The following DDX59 variants were observed in gnomAD, a reference collection of about 807,000 sequenced individuals.
DDX59 encodes DEAD-box helicase 59.
A neutral mutation model predicts 51.9 loss-of-function variants in DDX59; 30 were observed. The observed-to-expected ratio is 0.58, with a 90% CI of 0.43 to 0.78. DDX59 has a LOEUF of 0.78. Ranked by LOEUF, DDX59 falls within the 30% of genes least tolerant of loss-of-function variation. DDX59 has a pLI of 0.00. For missense variants in DDX59, 672 were observed against 730.8 expected (o/e 0.92, Z 0.93); for synonymous variants, 255 against 253.3 (o/e 1.01, Z -0.06).
rs183805371 is a variant in DDX59 at position 200,652,231 on chromosome 1, G to C, written c.1063-1555C>G. On this transcript the variant is annotated intron_variant, in intron 4 of 7. Transcript: ENST00000331314. ...GTAGTGGCATGATTCTAGCTTGCTGGAACCTTAAACTCCTGGGCTCAAGAG... is the reference window on the plus strand; with the variant it reads ...GTAGTGGCATGATTCTAGCTTGCTGCAACCTTAAACTCCTGGGCTCAAGAG... Among the ~76,000 whole-genome samples, 99 of 152,094 alleles carry C rather than the reference G, an allele frequency of 6.5e-4. No homozygotes were observed. The East Asian group carries it at 0.019, about 29-fold the overall frequency.
intron 3 of DDX59, among the ~76,000 whole-genome samples, chr1:200,663,535 AG>A (rs966768173): frequency 2.0e-4 from 30 of 152,226 alleles, no homozygotes; most frequent in African/African-American, 5.5e-4. Flanking sequence ...AGGTAAATTA[AG>A]GGTCAATTTT....
chr1:200,664,847 G>A (rs1662613739), intron 2 of DDX59, among the ~76,000 whole-genome samples: 3 of 152,000 alleles, frequency 2.0e-5, no homozygotes, highest in African/African-American at 4.8e-5. Context: ...GGCTAATTTT[G>A]TATTTTTAGT....
chr1:200,644,682 G>A (rs1661183219), intron 7 of DDX59, among the ~76,000 whole-genome samples, 165 bp from the exon 8 acceptor site: 1 of 152,144 alleles, frequency 6.6e-6, no homozygotes, highest in Non-Finnish European at 1.5e-5. Context: ...ATCACCTGAG[G>A]TCAGGAGTTT....
At chr1:200,667,287 G>A (rs762904635) in intron 1 of DDX59, among the ~76,000 whole-genome samples, 1 of 152,004 alleles carries the variant, frequency 6.6e-6, no homozygotes, top group Non-Finnish European at 1.5e-5. Context: ...TGTATTCCCA[G>A]CTACTCGGGA....
chr1:200,650,475 A>G lies in DDX59; in HGVS notation c.1264T>C (p.Leu422=), dbSNP rs759864493. The part of the protein sequence containing the change: ...LPCANVRQII[L]WVEDPAKKKK... ...TTTTTGGCTGGGTCTTCTACCCACAAAATAATCTGACGTACATTGGCACAA... is the reference window on the plus strand; with the variant it reads ...TTTTTGGCTGGGTCTTCTACCCACAGAATAATCTGACGTACATTGGCACAA... The change falls in exon 5 of 8, where the codon TTG becomes CTG. Residue 422 remains leucine (L), a synonymous_variant. Transcript: ENST00000331314. The G allele has an allele frequency of 6.2e-7, 1 of 1,613,938 alleles. No homozygotes were observed. The highest frequency in any genetic ancestry group is 8.5e-7 in the Non-Finnish European group (1 of 1,179,858).
intron 7 of DDX59, among the ~76,000 whole-genome samples, chr1:200,646,441 A>G (rs1478281517): frequency 6.6e-6 from 1 of 152,232 alleles, no homozygotes; most frequent in Non-Finnish European, 1.5e-5. Context: ...CCAATTTAAA[A>G]ATGGACAACA....
At chr1:200,645,305 G>A (rs1404748331) in intron 7 of DDX59, among the ~76,000 whole-genome samples, 1 of 151,940 alleles carries the variant, frequency 6.6e-6, no homozygotes, top group Non-Finnish European at 1.5e-5. Flanking sequence ...TTGAGGCGGA[G>A]TCTCACTCTG....
intron 7 of DDX59, among the ~76,000 whole-genome samples, chr1:200,646,024 CAAAG>C (rs1015220666): frequency 2.6e-5 from 4 of 151,988 alleles, no homozygotes; most frequent in Non-Finnish European, 1.5e-5. Context: ...TTCAAAAAGA[CAAAG>C]AAAAGATTAT....
intron 5 of DDX59, among the ~76,000 whole-genome samples, chr1:200,650,080 G>A (rs542967428): frequency 1.3e-5 from 2 of 152,132 alleles, no homozygotes; most frequent in East Asian, 1.9e-4. Flanking sequence ...TCCTGACCTC[G>A]TGATCTGCCC....
chr1:200,664,378 T>C (rs1460837826), intron 2 of DDX59, among the ~76,000 whole-genome samples: 1 of 152,224 alleles, frequency 6.6e-6, no homozygotes, highest in African/African-American at 2.4e-5. Flanking sequence ...TATTGGACCC[T>C]GTAATCTACA....
At chr1:200,663,791 C>G in intron 3 of DDX59, 128 bp downstream of exon 3, 1 of 916,834 alleles carries the variant, frequency 1.1e-6, no homozygotes. Context: ...AAACCTAAGG[C>G]TTACTTGGTA....
In DDX59 at chr1:200,662,908, A is replaced by G. The variant is rs536368574; in HGVS notation, c.972+1011T>C. On this transcript the variant is annotated intron_variant, in intron 3 of 7. Transcript: ENST00000331314. The stretch of plus-strand genomic sequence containing the variant: ...GAACTTATAATTTGGCATTAATATC[A>G]CCTTTGTCTGTTTTATATACTGGAG... Among the ~76,000 whole-genome samples the G allele has an allele frequency of 1.1e-4, 16 of 152,188 alleles. 1 individual carries two copies. The East Asian group carries it at 3.1e-3, about 29-fold the overall frequency.
At chr1:200,657,387 A>G (rs567688851) in intron 4 of DDX59, among the ~76,000 whole-genome samples, 16 of 152,274 alleles carry the variant, frequency 1.1e-4, no homozygotes, top group African/African-American at 3.8e-4. Context: ...CAGATTTAGC[A>G]ATGTCAGTTC....
chr1:200,664,145 A>G (rs1480903911), intron 2 of DDX59, 59 bp from the exon 3 acceptor site: 3 of 1,546,332 alleles, frequency 1.9e-6, no homozygotes, highest in Non-Finnish European at 2.6e-6. Context: ...GCTGATATGA[A>G]CTAAATCTTC....
chr1:200,653,896 G>A (rs1316976965), intron 4 of DDX59, among the ~76,000 whole-genome samples: 3 of 151,900 alleles, frequency 2.0e-5, no homozygotes, highest in Non-Finnish European at 2.9e-5. Flanking sequence ...CCCTCCCCTC[G>A]TTGCCACTGC....
At chr1:200,662,656 C>T (rs1242064723) in intron 3 of DDX59, among the ~76,000 whole-genome samples, 1 of 152,162 alleles carries the variant, frequency 6.6e-6, no homozygotes, top group Non-Finnish European at 1.5e-5. Context: ...AACACCAATA[C>T]ATTAACATAT....
At position 200,645,286 on chromosome 1, in the gene DDX59, CT is replaced by C. The variant is rs57257315; in HGVS notation, c.1597-770del. ...ATCATCTTTGCATAAAGTTATTTGT[CT>C]TTTTTTTTTGAGGCGGAGTCTCACT... On this transcript the variant is annotated intron_variant, in intron 7 of 7. Transcript: ENST00000331314. 5.9e-3 allele frequency among the ~76,000 whole-genome samples: 889 copies of C among 149,432 alleles called. 29 individuals are homozygous for C. Among genetic ancestry groups the C allele is most frequent in the Admixed American group, 0.044 (654 of 15,002 alleles).
In DDX59 at chr1:200,666,067, A is replaced by C; in HGVS notation, c.674T>G (p.Val225Gly). The change falls in exon 2 of 8, where the codon GTG becomes GGG. Residue 225 changes from valine (V) to glycine (G), a missense_variant. Val to Gly is a moderately radical substitution (Grantham distance 109). Transcript: ENST00000331314. ...CATCTGCATTTGAATGGGAGTTGGC[A>C]CCTCATAGCCTGATTTCTTCAAGTT... ...NHNLKKSGYE[V>G]PTPIQMQMIP... 6.2e-7 allele frequency: 1 copy of C among 1,614,172 alleles called. No homozygotes were observed. Among genetic ancestry groups the C allele is most frequent in the Non-Finnish European group, 8.5e-7 (1 of 1,180,032 alleles).
intron 4 of DDX59, among the ~76,000 whole-genome samples, chr1:200,651,704 A>T (rs2102863021): frequency 6.6e-6 from 1 of 152,252 alleles, no homozygotes; most frequent in Middle Eastern, 3.4e-3. Context: ...AAACAAAAAC[A>T]TTTTTTTAAA....
Sources: allele counts gnomAD v4.1 joint callset (sites outside exome capture counted in the v4.1 genomes callset), GRCh38; gene constraint gnomAD v4.1.1; transcripts MANE v1.5; gene names NCBI Gene and HGNC (gene_info 2026-07-23, HGNC 2026-07-21).